The following AEBP2 variants were observed in gnomAD, a reference collection of about 807,000 sequenced individuals.
The protein encoded by AEBP2 is zinc finger protein AEBP2.
A neutral mutation model predicts 50.8 loss-of-function variants in AEBP2; 10 were observed. The observed-to-expected ratio is 0.20, with a 90% CI of 0.12 to 0.33. The LOEUF (loss-of-function observed/expected upper bound fraction) is 0.33. Ranked by LOEUF, AEBP2 falls within the 10% of genes least tolerant of loss-of-function variation. The pLI, the probability that AEBP2 is intolerant of heterozygous loss-of-function variation, is 1.00. For synonymous variants in AEBP2, 296 were observed against 261.3 expected (o/e 1.13, Z -1.28); for missense variants, 570 against 688.0 (o/e 0.83, Z 1.92).
At chr12:19,411,095 G>T (rs142804329) in intron 1 of AEBP2, among the ~76,000 whole-genome samples, 2 of 152,106 alleles carry the variant, frequency 1.3e-5, no homozygotes, top group Non-Finnish European at 2.9e-5. Context: ...GTTAACAGAT[G>T]TGGAACAACA....
chr12:19,497,352 T>C (rs865797199), intron 4 of AEBP2, among the ~76,000 whole-genome samples: 3 of 144,916 alleles, frequency 2.1e-5, no homozygotes, highest in Non-Finnish European at 4.6e-5. Flanking sequence ...TTTTTTTTTT[T>C]GAGACAGAGT....
At chr12:19,497,713 C>G (rs117358612) in intron 4 of AEBP2, among the ~76,000 whole-genome samples, 3,037 of 152,212 alleles carry the variant, frequency 0.02, 45 homozygotes, top group Non-Finnish European at 0.03. Flanking sequence ...ATCAAGTGAT[C>G]CGCCTCCTGC....
At chr12:19,452,316 T>TA (rs1312435183) in intron 1 of AEBP2, among the ~76,000 whole-genome samples, 1 of 150,724 alleles carries the variant, frequency 6.6e-6, no homozygotes, top group East Asian at 2.0e-4. Flanking sequence ...TTTAAAAAAA[T>TA]ACGATCTCAC....
intron 1 of AEBP2, among the ~76,000 whole-genome samples, chr12:19,414,823 T>C (rs919082768): frequency 1.3e-5 from 2 of 151,646 alleles, no homozygotes; most frequent in Admixed American, 6.6e-5. Flanking sequence ...CTCAGGAGGC[T>C]GAGGCAGGAG....
At chr12:19,458,715 A>G (rs1948317274) in intron 1 of AEBP2, among the ~76,000 whole-genome samples, 1 of 152,314 alleles carries the variant, frequency 6.6e-6, no homozygotes, top group African/African-American at 2.4e-5. Context: ...AATCTCTCTT[A>G]ACCTTACTGT....
At chr12:19,458,997 A>T (rs1475002742) in intron 1 of AEBP2, among the ~76,000 whole-genome samples, 1 of 152,224 alleles carries the variant, frequency 6.6e-6, no homozygotes, top group African/African-American at 2.4e-5. Context: ...ACTTAACTAT[A>T]CCTTGGAGAT....
At chr12:19,440,824 C>T (rs1447635145) in intron 1 of AEBP2, 4 of 1,456,738 alleles carry the variant, frequency 2.7e-6, no homozygotes, top group Non-Finnish European at 3.7e-6. Flanking sequence ...AACAGAACTT[C>T]CTTGTCCATG....
intron 1 of AEBP2, among the ~76,000 whole-genome samples, chr12:19,405,034 AAG>A (rs2095735480): frequency 6.8e-6 from 1 of 146,384 alleles, no homozygotes; most frequent in Non-Finnish European, 1.5e-5. Flanking sequence ...TCCAGGGTTC[AAG>A]TGATTCTCCT....
chr12:19,461,745 A>T (rs964909931), intron 1 of AEBP2, among the ~76,000 whole-genome samples: 1 of 152,082 alleles, frequency 6.6e-6, no homozygotes, highest in Admixed American at 6.6e-5. Flanking sequence ...TCCTGGCATC[A>T]GGTAGTCCAC....
chr12:19,496,721 G>A (rs1421689175), intron 4 of AEBP2, among the ~76,000 whole-genome samples: 1 of 150,218 alleles, frequency 6.7e-6, no homozygotes, highest in African/African-American at 2.4e-5. Flanking sequence ...GAATGCAGTG[G>A]TGCAATCATG....
Position 19,518,909 on chromosome 12 carries a change from A to G in AEBP2, c.*792A>G, listed in dbSNP as rs1949359224. 3 of 370,282 alleles carry G rather than the reference A, an allele frequency of 8.1e-6. No individual in the cohort carries two copies. The highest frequency in any genetic ancestry group is 1.4e-5 in the Non-Finnish European group (3 of 211,746). 22.9% of individuals were successfully genotyped at this position (370,282 alleles called of 1,614,324 possible). A position where few individuals can be genotyped will look rare whatever the true frequency, so the allele number is the denominator to read the frequency against. On this transcript the variant is annotated 3_prime_UTR_variant, in exon 8 of 8. Transcript: ENST00000266508. The stretch of plus-strand genomic sequence containing the variant: ...TTGAAAAACCTTTCAAATTATTTGA[A>G]TAATCTTCATATTTTCATTTAACCT...
chr12:19,517,998 GTA>G, intron 7 of AEBP2, 87 bp from the exon 8 acceptor site: 1 of 1,201,994 alleles, frequency 8.3e-7, no homozygotes. Context: ...CACATTGCCT[GTA>G]TCTTATTAAT....
chr12:19,512,543 T>C (rs1319511702), intron 6 of AEBP2, 78 bp downstream of exon 6: 1 of 949,428 alleles, frequency 1.1e-6, no homozygotes, highest in African/African-American at 1.7e-5. Flanking sequence ...AAAAATTATT[T>C]ATTAAATTCA....
chr12:19,423,398 C>G (rs574404511), intron 1 of AEBP2, among the ~76,000 whole-genome samples: 7 of 152,190 alleles, frequency 4.6e-5, no homozygotes, highest in South Asian at 2.1e-4. Flanking sequence ...GAGTGAAGCT[C>G]CCATACAAGA....
chr12:19,454,088 C>T (rs534189956), intron 1 of AEBP2, among the ~76,000 whole-genome samples: 139 of 152,108 alleles, frequency 9.1e-4, no homozygotes, highest in Non-Finnish European at 1.6e-3. Flanking sequence ...GACGGGGTCT[C>T]GCCATGTTGC....
chr12:19,409,196 T>C (rs1235586830), intron 1 of AEBP2, among the ~76,000 whole-genome samples: 4 of 152,176 alleles, frequency 2.6e-5, no homozygotes, highest in African/African-American at 9.6e-5. Context: ...TTTTCCTGCA[T>C]CATTTAATCT....
intron 1 of AEBP2, chr12:19,457,718 A>AT: frequency 1.1e-6 from 1 of 945,028 alleles, no homozygotes; most frequent in Non-Finnish European, 1.4e-6. Context: ...AAGAAAAAAA[A>AT]GCTAGTCAGA....
intron 1 of AEBP2, among the ~76,000 whole-genome samples, chr12:19,433,329 A>C (rs1281457168): frequency 1.3e-5 from 2 of 152,190 alleles, no homozygotes; most frequent in African/African-American, 4.8e-5. Flanking sequence ...CAGAGGTTGC[A>C]GTGAGCCAGG....
chr12:19,468,363 T>C (rs1252037888), intron 2 of AEBP2, among the ~76,000 whole-genome samples: 1 of 152,130 alleles, frequency 6.6e-6, no homozygotes, highest in Non-Finnish European at 1.5e-5. Context: ...CAAGATCATT[T>C]ACTCAGTATA....
Sources: allele counts gnomAD v4.1 joint callset (sites outside exome capture counted in the v4.1 genomes callset), GRCh38; gene constraint gnomAD v4.1.1; transcripts MANE v1.5; gene names NCBI Gene and HGNC (gene_info 2026-07-23, HGNC 2026-07-21).